Variants in TRIM9 observed in about 807,000 individuals in gnomAD.
The protein encoded by TRIM9 is tripartite motif containing 9.
Under a neutral mutation model 78.3 loss-of-function variants are expected in TRIM9, and 26 were observed. The observed-to-expected ratio is 0.33, with a 90% CI of 0.24 to 0.46. The LOEUF is 0.46. Ranked by LOEUF, TRIM9 falls within the 20% of genes least tolerant of loss-of-function variation. TRIM9 has a pLI of 1.00. For missense variants in TRIM9, 787 were observed against 1,036.4 expected (o/e 0.76, Z 3.30); for synonymous variants, 398 against 416.5 (o/e 0.96, Z 0.54).
intron 1 of TRIM9, among the ~76,000 whole-genome samples, chr14:51,087,736 T>C (rs905831707): frequency 6.6e-6 from 1 of 152,240 alleles, no homozygotes; most frequent in African/African-American, 2.4e-5. Context: ...TAAGTTGTTA[T>C]GCTATGTTGT....
intron 1 of TRIM9, among the ~76,000 whole-genome samples, chr14:51,026,921 G>C (rs2058283220): frequency 6.6e-6 from 1 of 152,168 alleles, no homozygotes; most frequent in Non-Finnish European, 1.5e-5. Context: ...GCTTCTGCTA[G>C]TTAAGGGAAC....
intron 3 of TRIM9, among the ~76,000 whole-genome samples, chr14:51,013,316 C>T (rs986992888): frequency 2.6e-4 from 40 of 151,598 alleles, no homozygotes; most frequent in African/African-American, 9.0e-4. Flanking sequence ...AGTCTTAGCA[C>T]CTTGTGAAAA....
chr14:51,003,635 G>T (rs1031486158), intron 5 of TRIM9, among the ~76,000 whole-genome samples: 1 of 150,230 alleles, frequency 6.7e-6, no homozygotes, highest in African/African-American at 2.5e-5. Flanking sequence ...CAGTTTAAAA[G>T]ACCAAAAGGA....
In TRIM9 at chr14:51,025,344, G is replaced by T. The variant is rs756801864; in HGVS notation, c.839C>A (p.Ala280Glu). The T allele has an allele frequency of 6.2e-7, 1 of 1,614,102 alleles. No homozygotes were observed. Among genetic ancestry groups the T allele is most frequent in the Non-Finnish European group, 8.5e-7 (1 of 1,180,000 alleles). ...WKLHKSQLSQ[A>E]LNGLSDRAKE... is the part of the protein sequence containing the mutation. The stretch of plus-strand genomic sequence containing the variant: ...GGCCCTGTCTGACAGTCCGTTCAGC[G>T]CCTGGGAGAGCTGGCTCTGCAAAGA... The change falls in exon 2 of 13, where the codon GCG (alanine) becomes GAG (glutamate). Residue 280 changes from alanine to glutamate, a missense_variant. Transcript: ENST00000684578.
intron 7 of TRIM9, among the ~76,000 whole-genome samples, chr14:50,987,233 A>G (rs1407544740): frequency 2.0e-5 from 3 of 152,202 alleles, no homozygotes; most frequent in African/African-American, 7.2e-5. Flanking sequence ...TTCTGGTTTG[A>G]ATCAGTTAGC....
chr14:50,995,871 AT>A (rs2054150639), intron 7 of TRIM9, among the ~76,000 whole-genome samples: 1 of 152,158 alleles, frequency 6.6e-6, no homozygotes, highest in South Asian at 2.1e-4. Flanking sequence ...TGTTAATAGC[AT>A]TTTTCTCACT....
intron 1 of TRIM9, among the ~76,000 whole-genome samples, chr14:51,063,760 A>G (rs564663698): frequency 6.6e-6 from 1 of 152,138 alleles, no homozygotes; most frequent in Non-Finnish European, 1.5e-5. Flanking sequence ...AAATTAACGG[A>G]AAAGAAAGAC....
At chr14:50,980,305 A>C (rs2051692334) in intron 11 of TRIM9, among the ~76,000 whole-genome samples, 1 of 152,236 alleles carries the variant, frequency 6.6e-6, no homozygotes, top group Non-Finnish European at 1.5e-5. Context: ...ATTGTGTCTT[A>C]TGCTTCAATT....
chr14:51,016,529 T>A (rs1377072218), intron 3 of TRIM9, among the ~76,000 whole-genome samples: 2 of 140,558 alleles, frequency 1.4e-5, no homozygotes, highest in African/African-American at 5.3e-5. Context: ...ATATCATTAA[T>A]AACACAATAA....
chr14:51,012,951 T>A (rs558008321), intron 3 of TRIM9, among the ~76,000 whole-genome samples: 2 of 152,332 alleles, frequency 1.3e-5, no homozygotes, highest in South Asian at 2.1e-4. Context: ...CAGTCTCTTA[T>A]CAGATATATG....
intron 3 of TRIM9, among the ~76,000 whole-genome samples, chr14:51,017,841 G>A (rs2057365122): frequency 1.3e-5 from 2 of 152,312 alleles, no homozygotes; most frequent in South Asian, 4.1e-4. Flanking sequence ...CTAACTTAGA[G>A]GAACTCCAGC....
At chr14:51,074,632 C>A (rs1329695784) in intron 1 of TRIM9, among the ~76,000 whole-genome samples, 1 of 152,226 alleles carries the variant, frequency 6.6e-6, no homozygotes, top group Non-Finnish European at 1.5e-5. Flanking sequence ...CCCCACCCTG[C>A]CCTTTTCTTT....
intron 4 of TRIM9, 109 bp from the exon 5 acceptor site, chr14:51,009,342 C>T (rs931618651): frequency 1.5e-6 from 2 of 1,337,824 alleles, no homozygotes; most frequent in African/African-American, 2.9e-5. Flanking sequence ...CTTGAGGACT[C>T]ATACTCTGAC....
At chr14:51,027,569 C>G (rs1596212201) in intron 1 of TRIM9, among the ~76,000 whole-genome samples, 1 of 152,068 alleles carries the variant, frequency 6.6e-6, no homozygotes, top group Non-Finnish European at 1.5e-5. Flanking sequence ...CTGTACTTTG[C>G]TCTATGTATT....
rs561125597 is a variant in TRIM9 at position 51,015,042 on chromosome 14, C to T, written c.1042-4548G>A. ...GAGAAGGCTTTTAAAATTTTATCAG[C>T]GGAGCCACCATCTGTTCTGGATGGC... On this transcript the variant is annotated intron_variant, in intron 3 of 12. Transcript: ENST00000684578. Among the ~76,000 whole-genome samples the T allele has an allele frequency of 6.6e-5, 10 of 152,298 alleles. No individual in the cohort carries two copies. The South Asian group carries it at 1.0e-3, about 16-fold the overall frequency.
At chr14:51,015,071 T>C (rs925778738) in intron 3 of TRIM9, among the ~76,000 whole-genome samples, 2 of 152,222 alleles carry the variant, frequency 1.3e-5, no homozygotes, top group African/African-American at 2.4e-5. Context: ...GGATGGCAAG[T>C]GTCTATTGAT....
chr14:51,078,089 AT>A (rs1389475438), intron 1 of TRIM9, among the ~76,000 whole-genome samples: 1 of 152,210 alleles, frequency 6.6e-6, no homozygotes, highest in Admixed American at 6.5e-5. Context: ...CATCATCAGT[AT>A]CCTGAACTTG....
chr14:51,025,977 T>C (rs1001668995), intron 1 of TRIM9, among the ~76,000 whole-genome samples: 3 of 152,180 alleles, frequency 2.0e-5, no homozygotes, highest in Non-Finnish European at 4.4e-5. Context: ...GCTTACTCTC[T>C]TTCTTTCTTC....
chr14:51,010,454 C>T lies in TRIM9; in HGVS notation c.1082G>A (p.Arg361His), dbSNP rs1447049012. ...GTACTCCATGAGACCTGTGGTCTGG[C>T]GCAATTTCACTGTGCAGTGAGAGAT... ...DQISHCTVKL[R>H]QTTGLMEYCL... is the part of the protein sequence containing the mutation. The change falls in exon 4 of 13, where the codon CGC (arginine) becomes CAC (histidine). Residue 361 changes from arginine to histidine, a missense_variant. Physicochemically the swap from Arg to His is conservative, Grantham distance 29 (BLOSUM62 0). Coordinates refer to ENST00000684578, the MANE Select transcript of TRIM9 (RefSeq NM_001387360.1). The T allele has an allele frequency of 1.2e-6, 2 of 1,613,738 alleles. No homozygotes were observed. Among genetic ancestry groups the T allele is most frequent in the Non-Finnish European group, 8.5e-7 (1 of 1,179,924 alleles).
Sources: allele counts gnomAD v4.1 joint callset (sites outside exome capture counted in the v4.1 genomes callset), GRCh38; gene constraint gnomAD v4.1.1; transcripts MANE v1.5; gene names NCBI Gene and HGNC (gene_info 2026-07-23, HGNC 2026-07-21).